The following HELLS variants were observed in gnomAD, a reference collection of about 807,000 sequenced individuals.
HELLS encodes the protein lymphoid-specific helicase.
Under a neutral mutation model 120.0 loss-of-function variants are expected in HELLS, and 32 were observed. The observed-to-expected ratio is 0.27, with a 90% CI of 0.20 to 0.36. HELLS has a LOEUF of 0.36. Ranked by LOEUF, HELLS falls within the 10% of genes least tolerant of loss-of-function variation. HELLS has a pLI of 1.00. For synonymous variants in HELLS, 341 were observed against 323.4 expected (o/e 1.05, Z -0.58); for missense variants, 650 against 993.4 (o/e 0.65, Z 4.65).
At chr10:94,574,805 T>C in intron 9 of HELLS, 69 bp downstream of exon 9, 1 of 1,273,540 alleles carries the variant, frequency 7.9e-7, no homozygotes, top group South Asian at 1.4e-5. Context: ...GTAGTAGGAA[T>C]TAAATTGTAG....
intron 12 of HELLS, chr10:94,584,078 C>T (rs1466884683): frequency 3.6e-6 from 5 of 1,389,194 alleles, no homozygotes; most frequent in Non-Finnish European, 4.8e-6. Flanking sequence ...ATATGATATA[C>T]GTCCATATGA....
Position 94,554,267 on chromosome 10 carries a change from C to T in HELLS, c.276+19C>T, listed in dbSNP as rs2133997253. Reference sequence around the variant, plus strand: ...ATTAGAGGTATGTATATGTAACTGACTACAAGTGAAAGCTTAAAAAAATTT... The same window carrying T: ...ATTAGAGGTATGTATATGTAACTGATTACAAGTGAAAGCTTAAAAAAATTT... On this transcript the variant is annotated intron_variant, in intron 3 of 21. Transcript: ENST00000348459. 6.7e-7 allele frequency: 1 copy of T among 1,487,748 alleles called. No homozygotes were observed. Among genetic ancestry groups the T allele is most frequent in the Non-Finnish European group, 8.9e-7 (1 of 1,118,810 alleles). The allele number at this position is 1,487,748 out of a possible 1,614,324, so 92.2% of individuals were successfully genotyped here.
At chr10:94,571,216 T>C (rs895947049) in intron 6 of HELLS, 172 bp from the exon 7 acceptor site, 3 of 484,350 alleles carry the variant, frequency 6.2e-6, no homozygotes, top group Admixed American at 8.1e-5. Flanking sequence ...TTATGAAATA[T>C]TATGAGCCAG....
At chr10:94,608,973 G>A (rs886699366) in intron 9 of HELLS, among the ~76,000 whole-genome samples, 4 of 147,620 alleles carry the variant, frequency 2.7e-5, no homozygotes, top group Non-Finnish European at 5.9e-5. Flanking sequence ...CATCTTGCAA[G>A]CGCTAGCTTG....
intron 10 of HELLS, among the ~76,000 whole-genome samples, chr10:94,579,860 C>T (rs1053426621): frequency 2.6e-5 from 4 of 151,884 alleles, no homozygotes; most frequent in African/African-American, 9.7e-5. Flanking sequence ...ACATGAAGAC[C>T]CTTCCTGTAA....
intron 2 of HELLS, among the ~76,000 whole-genome samples, chr10:94,552,430 T>G (rs1252426091): frequency 6.6e-6 from 1 of 152,226 alleles, no homozygotes; most frequent in Non-Finnish European, 1.5e-5. Flanking sequence ...TTCAGACCCC[T>G]CAGATGTCAT....
At chr10:94,565,278 T>A (rs190966704) in intron 6 of HELLS, among the ~76,000 whole-genome samples, 1 of 152,168 alleles carries the variant, frequency 6.6e-6, no homozygotes, top group East Asian at 1.9e-4. Flanking sequence ...GAGGTTGCAG[T>A]GAGCTGAGAT....
At chr10:94,601,419 T>A (rs1042806442) in intron 21 of HELLS, 109 bp from the exon 22 acceptor site, 1 of 655,782 alleles carries the variant, frequency 1.5e-6, no homozygotes, top group African/African-American at 1.9e-5. Context: ...GTGAGTTTTA[T>A]AATTTTGGAC....
Position 94,574,575 on chromosome 10 carries a change from A to G in HELLS, c.727A>G (p.Asn243Asp), listed in dbSNP as rs1844339701. Residue 243 changes from asparagine to aspartate, a missense_variant, in exon 9 of 22, where the codon AAT (asparagine) becomes GAT (aspartate). Around this residue, in one of 9 missense-constraint regions of HELLS, gnomAD observed 26 missense variants for 87.3 expected, o/e 0.30. Transcript: ENST00000348459. ...WLRMLWENGI[N>D]GILADEMGLG... ...CCAGATGCTTTGGGAAAATGGAATT[A>G]ATGGCATTTTAGCAGATGAAATGGG... is the stretch of plus-strand genomic sequence containing the variant. 1 of 1,613,216 alleles carries G rather than the reference A, an allele frequency of 6.2e-7. No individual in the cohort carries two copies. The highest frequency in any genetic ancestry group is 1.7e-5 in the Admixed American group (1 of 59,992).
At chr10:94,559,860 A>C (rs1169688786) in intron 4 of HELLS, among the ~76,000 whole-genome samples, 1 of 152,214 alleles carries the variant, frequency 6.6e-6, no homozygotes, top group Non-Finnish European at 1.5e-5. Flanking sequence ...CCAGAGTCAG[A>C]GACCCAAGCT....
chr10:94,585,888 G>A lies in HELLS; in HGVS notation c.1327-2341G>A, dbSNP rs569010254. Among the ~76,000 whole-genome samples the A allele has an allele frequency of 2.0e-5, 3 of 151,782 alleles. No homozygotes were observed. In the East Asian group the frequency reaches 5.8e-4, roughly 30 times the overall value. On this transcript the variant is annotated intron_variant, in intron 12 of 21. Transcript: ENST00000348459. ...AGGTCCAGCTAATTTTTGGTAGATG[G>A]GTCTTGTATAAGTCTTGTTTTTGTC...
intron 3 of HELLS, among the ~76,000 whole-genome samples, chr10:94,555,278 A>C (rs1281289026): frequency 1.3e-5 from 2 of 152,048 alleles, no homozygotes; most frequent in African/African-American, 4.8e-5. Context: ...CTCTACCAAA[A>C]ATATAAAAAT....
intron 4 of HELLS, among the ~76,000 whole-genome samples, chr10:94,559,788 T>C (rs6583944): frequency 0.38 from 58,025 of 152,014 alleles, 11,485 homozygotes; most frequent in East Asian, 0.68. Flanking sequence ...AAATAAGATA[T>C]CTTTAAAAAC....
intron 17 of HELLS, 25 bp from the exon 18 acceptor site, chr10:94,593,473 TG>T: frequency 7.5e-7 from 1 of 1,334,128 alleles, no homozygotes; most frequent in South Asian, 1.2e-5. Context: ...TTTAATCTGT[TG>T]TATTTACATC....
chr10:94,592,152 C>A, intron 15 of HELLS, 77 bp from the exon 16 acceptor site: 1 of 1,126,810 alleles, frequency 8.9e-7, no homozygotes, highest in Non-Finnish European at 1.3e-6. Flanking sequence ...GAAAATTGAA[C>A]TTTCCAAATG....
At chr10:94,580,864 C>T (rs1844834465) in intron 10 of HELLS, among the ~76,000 whole-genome samples, 1 of 152,048 alleles carries the variant, frequency 6.6e-6, no homozygotes, top group Admixed American at 6.6e-5. Flanking sequence ...TCCTTGATAA[C>T]TTTATGAAAG....
chr10:94,612,034 GATT>G (rs749853883), exon 10 of HELLS: 4 of 152,166 alleles, frequency 2.6e-5, no homozygotes, highest in Non-Finnish European at 5.9e-5. Context: ...TTCAGGGGAT[GATT>G]AAACCATCCT....
intron 10 of HELLS, among the ~76,000 whole-genome samples, chr10:94,578,051 A>G (rs1480964107): frequency 7.0e-6 from 1 of 142,496 alleles, no homozygotes; most frequent in East Asian, 2.3e-4. Flanking sequence ...GCCTGGGCCG[A>G]CAGAGCGAGA....
In HELLS at chr10:94,562,803, T is replaced by C. The variant is rs764409292; in HGVS notation, c.371-9T>C. 1 of 1,552,108 alleles carries C rather than the reference T, an allele frequency of 6.4e-7. No individual in the cohort carries two copies. Among genetic ancestry groups the C allele is most frequent in the Non-Finnish European group, 8.8e-7 (1 of 1,137,522 alleles). On this transcript the variant is annotated splice_polypyrimidine_tract_variant and intron_variant, in intron 5 of 21. Coordinates refer to ENST00000348459, the MANE Select transcript of HELLS (RefSeq NM_018063.5). ...TAATTGCTATCAAAAATAAAATTTT[T>C]TTTTATAGTTATGAGGAAAAAAAGA... is the stretch of plus-strand genomic sequence containing the variant.
Sources: gnomAD v4.1 joint callset for allele counts (sites outside exome capture counted in the v4.1 genomes callset) on GRCh38, gnomAD v4.1.1 for gene constraint, gnomAD v4.1.1 regional missense constraint, MANE v1.5 for transcripts, NCBI Gene and HGNC (gene_info 2026-07-23, HGNC 2026-07-21) for gene names.